Variants in SGCZ observed in about 807,000 individuals in gnomAD.
SGCZ encodes the protein zeta-sarcoglycan.
Under a neutral mutation model 41.3 loss-of-function variants are expected in SGCZ, and 40 were observed. That is an observed-to-expected ratio of 0.97 (90% confidence interval 0.75 to 1.26). The LOEUF is 1.26. Among genes scored for constraint, SGCZ ranks in the 50% most tolerant of loss-of-function variants. SGCZ has a pLI of 0.00. For synonymous variants in SGCZ, 206 were observed against 137.5 expected, an observed-to-expected ratio of 1.50 and a Z score of -3.49; for missense variants, 552 against 369.8, an observed-to-expected ratio of 1.49 and a Z score of -4.04.
intron 1 of SGCZ, among the ~76,000 whole-genome samples, chr8:14,754,810 C>T (rs1182988574): frequency 6.6e-6 from 1 of 152,120 alleles, no homozygotes; most frequent in Non-Finnish European, 1.5e-5. Flanking sequence ...TCAAGCAATC[C>T]TCATGCCTTG....
chr8:14,737,542 G>C (rs900214147), intron 1 of SGCZ, among the ~76,000 whole-genome samples: 1 of 152,076 alleles, frequency 6.6e-6, no homozygotes, highest in Non-Finnish European at 1.5e-5. Flanking sequence ...GGCACTGAGT[G>C]TGTGGCTTAA....
intron 2 of SGCZ, among the ~76,000 whole-genome samples, chr8:14,461,248 A>G (rs1800893972): frequency 6.6e-6 from 1 of 152,170 alleles, no homozygotes. Flanking sequence ...ATGAACAGCT[A>G]GTCCCACAGG....
At chr8:14,355,198 A>T (rs1585399624) in intron 2 of SGCZ, among the ~76,000 whole-genome samples, 1 of 152,200 alleles carries the variant, frequency 6.6e-6, no homozygotes, top group East Asian at 1.9e-4. Flanking sequence ...CCACAAGCAG[A>T]TGTTTCATTA....
At chr8:14,337,006 T>C (rs1031801337) in intron 2 of SGCZ, among the ~76,000 whole-genome samples, 7 of 152,162 alleles carry the variant, frequency 4.6e-5, no homozygotes, top group African/African-American at 1.7e-4. Flanking sequence ...GCTGTCCATA[T>C]GGCCATTAAA....
chr8:15,141,993 C>T (rs568685267), intron 1 of SGCZ, among the ~76,000 whole-genome samples: 1 of 152,186 alleles, frequency 6.6e-6, no homozygotes, highest in East Asian at 1.9e-4. Flanking sequence ...CTGGGACAGG[C>T]ACCGGCTGCA....
intron 2 of SGCZ, among the ~76,000 whole-genome samples, chr8:14,549,227 G>C (rs1803725320): frequency 6.6e-6 from 1 of 152,018 alleles, no homozygotes; most frequent in South Asian, 2.1e-4. Flanking sequence ...GACAGAGCTA[G>C]TAAATGGAGA....
At chr8:14,669,758 C>G (rs1370860157) in intron 1 of SGCZ, among the ~76,000 whole-genome samples, 1 of 151,700 alleles carries the variant, frequency 6.6e-6, no homozygotes, top group Non-Finnish European at 1.5e-5. Context: ...ATTCAACAGA[C>G]TTTTAGTATG....
chr8:14,514,129 A>AGATATAC (rs1320197563), intron 2 of SGCZ, among the ~76,000 whole-genome samples: 1 of 152,100 alleles, frequency 6.6e-6, no homozygotes. Flanking sequence ...TGGAAAACCC[A>AGATATAC]GATATACAGC....
chr8:14,278,041 C>T (rs980539313), intron 3 of SGCZ, among the ~76,000 whole-genome samples: 5 of 152,138 alleles, frequency 3.3e-5, no homozygotes, highest in Non-Finnish European at 7.4e-5. Flanking sequence ...ATAAGACTAC[C>T]TTTGTTCACA....
At chr8:14,594,733 G>C (rs1330112568) in intron 1 of SGCZ, among the ~76,000 whole-genome samples, 2 of 151,858 alleles carry the variant, frequency 1.3e-5, no homozygotes, top group African/African-American at 4.9e-5. Flanking sequence ...GGGGTGTCTT[G>C]CATATGTGTG....
rs117223328 is a variant in SGCZ at position 14,746,296 on chromosome 8, C to T, written c.40-191370G>A. 1.8e-3 allele frequency among the ~76,000 whole-genome samples: 277 copies of T among 152,182 alleles called. 3 individuals are homozygous for T. Among genetic ancestry groups the T allele is most frequent in the Admixed American group, 0.015 (223 of 15,276 alleles). On this transcript the variant is annotated intron_variant, in intron 1 of 7. Transcript: ENST00000382080. The stretch of plus-strand genomic sequence containing the variant: ...TATACACAAGATTTTTCACGTTCCA[C>T]ATTGCGTAAGTTTCACACATTTTCT...
At chr8:14,136,299 G>C (rs937220524) in intron 5 of SGCZ, among the ~76,000 whole-genome samples, 1 of 152,092 alleles carries the variant, frequency 6.6e-6, no homozygotes, top group Non-Finnish European at 1.5e-5. Flanking sequence ...CTGGGACTGC[G>C]TGGACAGTGG....
Position 14,833,882 on chromosome 8 carries a change from T to C in SGCZ, c.40-278956A>G, listed in dbSNP as rs372063262. Among the ~76,000 whole-genome samples the C allele has an allele frequency of 8.5e-5, 13 of 152,254 alleles. No homozygotes were observed. In the East Asian group the frequency reaches 2.3e-3, roughly 27 times the overall value. On this transcript the variant is annotated intron_variant, in intron 1 of 7. Transcript: ENST00000382080. ...AATAAATGGGTCCTCTCTAAGAATA[T>C]TTATGAAAAATTAAAGGTCAACAGT...
At chr8:15,097,824 ATATATATATACGTGTG>A (rs1563123880) in intron 1 of SGCZ, among the ~76,000 whole-genome samples, 1 of 78,446 alleles carries the variant, frequency 1.3e-5, no homozygotes, top group Non-Finnish European at 2.5e-5. Context: ...ACGTGTGTGT[ATATATATATACGTGTG>A]TGTATATATA....
At chr8:14,946,005 C>CATAT (rs34647526) in intron 1 of SGCZ, among the ~76,000 whole-genome samples, 218 of 14,870 alleles carry the variant, frequency 0.015, 20 homozygotes, top group Non-Finnish European at 0.019. Flanking sequence ...TAAATGTCCC[C>CATAT]ATATATATAT....
intron 2 of SGCZ, among the ~76,000 whole-genome samples, chr8:14,386,302 T>TAAAAAA (rs5889531): frequency 1.4e-5 from 2 of 138,450 alleles, no homozygotes; most frequent in South Asian, 2.3e-4. Context: ...TGCATCATGG[T>TAAAAAA]AAAAAAAAAA....
intron 1 of SGCZ, among the ~76,000 whole-genome samples, chr8:14,801,143 G>A (rs540976294): frequency 9.9e-5 from 15 of 152,198 alleles, no homozygotes; most frequent in East Asian, 3.9e-4. Flanking sequence ...ACCAAATAAC[G>A]AAGATCGCAT....
chr8:15,196,633 T>C (rs1800741175), intron 1 of SGCZ, among the ~76,000 whole-genome samples: 1 of 152,072 alleles, frequency 6.6e-6, no homozygotes, highest in South Asian at 2.1e-4. Context: ...TTTATTTATT[T>C]ATTTATTTAT....
intron 5 of SGCZ, among the ~76,000 whole-genome samples, chr8:14,140,368 G>A (rs910439068): frequency 1.2e-4 from 19 of 152,116 alleles, no homozygotes; most frequent in Non-Finnish European, 2.4e-4. Flanking sequence ...TAGGAAAAGA[G>A]GAAGTCAAAC....
Sources: gnomAD v4.1 joint callset for allele counts (sites outside exome capture counted in the v4.1 genomes callset) on GRCh38, gnomAD v4.1.1 for gene constraint, MANE v1.5 for transcripts, NCBI Gene and HGNC (gene_info 2026-07-23, HGNC 2026-07-21) for gene names.